KCNH6: variants seen among roughly 807,000 people sequenced by gnomAD.
KCNH6 encodes voltage-gated inwardly rectifying potassium channel KCNH6.
Under a neutral mutation model 83.4 loss-of-function variants are expected in KCNH6, and 81 were observed. The ratio of observed to expected loss-of-function variants is 0.97; its 90% CI spans 0.81 to 1.17. The LOEUF is 1.17. KCNH6 is among the 50% of genes most tolerant of loss of function. KCNH6 has a pLI of 0.00. For missense variants in KCNH6, 1,203 were observed against 1,290.5 expected, an observed-to-expected ratio of 0.93 and a Z score of 1.04; for synonymous variants, 503 against 545.6, an observed-to-expected ratio of 0.92 and a Z score of 1.09.
chr17:63,523,602 C>G lies in KCNH6; in HGVS notation c.76+113C>G. On this transcript the variant is annotated intron_variant, in intron 1 of 12. Coordinates refer to ENST00000314672, the MANE Select transcript of KCNH6 (RefSeq NM_001278919.2). This position sits in a 1 kb window ranked among gnomAD's most constrained non-coding sequence, Gnocchi z 4.2. ...CGGGCAAGGTGGTGAGTGCCGGGTG[C>G]TGAATGAAAAATCCTTCTTTTGATG... The G allele has an allele frequency of 1.1e-6, 1 of 928,440 alleles. No homozygotes were observed. Among genetic ancestry groups the G allele is most frequent in the Non-Finnish European group, 1.6e-6 (1 of 637,614 alleles). 57.5% of individuals were successfully genotyped at this position (928,440 alleles called of 1,614,324 possible). A position where few individuals can be genotyped will look rare whatever the true frequency, so the allele number is the denominator to read the frequency against.
chr17:63,544,776 A>T (rs9908726), intron 11 of KCNH6, among the ~76,000 whole-genome samples: 4,276 of 152,138 alleles, frequency 0.028, 197 homozygotes, highest in African/African-American at 0.097. Context: ...GCAAGTTACT[A>T]AACAGCTCTG....
chr17:63,533,855 G>C lies in KCNH6; in HGVS notation c.676-31G>C. ...CAGTCTCACCAGCAGTGGCTGCCCC[G>C]TGCCTGACCTCCCTCGGCCCCCACC... On this transcript the variant is annotated intron_variant, in intron 4 of 12. Transcript: ENST00000314672. This position sits in a 1 kb window ranked among gnomAD's most constrained non-coding sequence, Gnocchi z 4.1. The C allele has an allele frequency of 6.3e-7, 1 of 1,591,538 alleles. No homozygotes were observed.
chr17:63,530,719 A>C (rs1433689532), intron 4 of KCNH6, among the ~76,000 whole-genome samples, 177 bp downstream of exon 4: 2 of 152,176 alleles, frequency 1.3e-5, no homozygotes, highest in East Asian at 3.9e-4. Flanking sequence ...AAAGACCTGA[A>C]GGCCTGCCCT....
chr17:63,535,688 T>C lies in KCNH6; in HGVS notation c.1121T>C (p.Leu374Pro), dbSNP rs752808325. The C allele has an allele frequency of 6.2e-7, 1 of 1,608,590 alleles. No individual in the cohort carries two copies. Among genetic ancestry groups the C allele is most frequent in the East Asian group, 2.2e-5 (1 of 44,788 alleles). ...GSDETTTLIG[L>P]LKTARLLRLV... is the part of the protein sequence containing the mutation. ...CTCCAGACCACAACCCTGATTGGGC[T>C]ATTGAAGACAGCGCGGCTGCTGCGG... is the stretch of plus-strand genomic sequence containing the variant. The change falls in exon 6 of 13, where the codon CTA (leucine) becomes CCA (proline). Residue 374 changes from leucine to proline, a missense_variant. Coordinates refer to ENST00000314672, the MANE Select transcript of KCNH6 (RefSeq NM_001278919.2). The surrounding 1 kb of genome is among the most constrained non-coding windows in gnomAD (Gnocchi z 4.9).
At chr17:63,526,863 T>C (rs2031751447) in intron 2 of KCNH6, among the ~76,000 whole-genome samples, 1 of 152,146 alleles carries the variant, frequency 6.6e-6, no homozygotes, top group East Asian at 1.9e-4. Context: ...CCAGGGCACT[T>C]GGCAAAAATA....
At chr17:63,526,242 T>C (rs912718606) in intron 2 of KCNH6, among the ~76,000 whole-genome samples, 3 of 152,160 alleles carry the variant, frequency 2.0e-5, no homozygotes, top group Non-Finnish European at 4.4e-5. Context: ...CCTATCTTAT[T>C]GCCCAAGGCT....
rs1345628210 is a variant in KCNH6, at chr17:63,544,533, C to T, written c.2396+122C>T. ...GCAGGCCATTTAGCTGCAGGTCTCC[C>T]CATACCTGTCATTAAGCACAATTCC... On this transcript the variant is annotated intron_variant, in intron 11 of 12. Coordinates refer to ENST00000314672, the MANE Select transcript of KCNH6 (RefSeq NM_001278919.2). 3 of 775,870 alleles carry T rather than the reference C, an allele frequency of 3.9e-6. No homozygotes were observed. The Admixed American group carries it at 1.1e-4, about 28-fold the overall frequency. 48.1% of individuals were successfully genotyped at this position (775,870 alleles called of 1,614,324 possible).
Position 63,538,622 on chromosome 17 carries a change from C to A in KCNH6, c.1914C>A (p.Ser638=). ...LSTLYFISRG[S]IEILRDDVVV... ...CCCTCTACTTCATCTCCCGAGGCTC[C>A]ATCGAGATCCTGCGCGACGACGTGG... Residue 638 remains serine (S), a synonymous_variant, in exon 8 of 13, where the codon TCC becomes TCA. Transcript: ENST00000314672. This position sits in a 1 kb window ranked among gnomAD's most constrained non-coding sequence, Gnocchi z 4.0. 6.2e-7 allele frequency: 1 copy of A among 1,606,956 alleles called. No homozygotes were observed. The highest frequency in any genetic ancestry group is 8.5e-7 in the Non-Finnish European group (1 of 1,175,472).
chr17:63,539,198 G>T (rs1336990041), intron 8 of KCNH6, among the ~76,000 whole-genome samples: 12 of 152,086 alleles, frequency 7.9e-5, no homozygotes, highest in Non-Finnish European at 1.8e-4. Context: ...AGCATCACAG[G>T]GTCCTCTTGA....
Position 63,534,279 on chromosome 17 carries a change from G to C in KCNH6, c.1069G>C (p.Asp357His), listed in dbSNP as rs745391562. The C allele has an allele frequency of 6.2e-7, 1 of 1,613,818 alleles. No homozygotes were observed. The highest frequency in any genetic ancestry group is 2.2e-5 in the East Asian group (1 of 44,882). Residue 357 changes from aspartate (D) to histidine (H), a missense_variant, in exon 5 of 13, where the codon GAC becomes CAC. Transcript: ENST00000314672. The surrounding 1 kb of genome is among the most constrained non-coding windows in gnomAD (Gnocchi z 5.0). Reference sequence around the variant, plus strand: ...TGACATGGTGGCCGCCATCCCTTTCGACCTCCTGATCTTCCGCACTGGCTC... The same window carrying C: ...TGACATGGTGGCCGCCATCCCTTTCCACCTCCTGATCTTCCGCACTGGCTC... ...LIDMVAAIPFDLLIFRTGSDE... is the reference protein window; with the variant it reads ...LIDMVAAIPFHLLIFRTGSDE...
intron 2 of KCNH6, among the ~76,000 whole-genome samples, chr17:63,529,780 C>A (rs926479263): frequency 2.0e-5 from 3 of 152,018 alleles, no homozygotes; most frequent in African/African-American, 7.3e-5. Context: ...ATCTGCTCAG[C>A]TTTAATTACA....
chr17:63,545,587 C>A, intron 12 of KCNH6, 22 bp from the exon 13 acceptor site: 1 of 1,602,372 alleles, frequency 6.2e-7, no homozygotes. Flanking sequence ...TGGGGTGCAT[C>A]CCTCTTTCTT....
chr17:63,535,533 C>A lies in KCNH6; in HGVS notation c.1102-136C>A. On this transcript the variant is annotated intron_variant, in intron 5 of 12. Transcript: ENST00000314672. The surrounding 1 kb of genome is among the most constrained non-coding windows in gnomAD (Gnocchi z 4.9). ...CCATACTGTGCCACACTGCCAAGTGCGTGGCCCGGAGGAAGTTCTCCATAA... is the reference window on the plus strand; with the variant it reads ...CCATACTGTGCCACACTGCCAAGTGAGTGGCCCGGAGGAAGTTCTCCATAA... 2 of 768,196 alleles carry A rather than the reference C, an allele frequency of 2.6e-6. No homozygotes were observed. The highest frequency in any genetic ancestry group is 4.1e-6 in the Non-Finnish European group (2 of 482,932). The allele number at this position is 768,196 out of a possible 1,614,324, so 47.6% of individuals were successfully genotyped here.
intron 6 of KCNH6, among the ~76,000 whole-genome samples, chr17:63,536,540 A>T (rs142749718): frequency 0.015 from 2,286 of 152,304 alleles, 59 homozygotes; most frequent in African/African-American, 0.052. Context: ...GCTACTCGGG[A>T]GGCTGAGGCA....
intron 12 of KCNH6, 149 bp downstream of exon 12, chr17:63,545,413 C>T: frequency 9.9e-7 from 1 of 1,006,166 alleles, no homozygotes; most frequent in Non-Finnish European, 1.4e-6. Flanking sequence ...TGATCAGAGT[C>T]ATGATAGGGT....
At position 63,541,819 on chromosome 17, in the gene KCNH6, C is replaced by T. The variant is rs1025082852; in HGVS notation, c.1955-422C>T. ...AGAGAAGCCTCTGGCCCTGCCCTGG[C>T]GGAGTTAGGTGCTCTGGCCCTGGGT... On this transcript the variant is annotated intron_variant, in intron 8 of 12. Coordinates refer to ENST00000314672, the MANE Select transcript of KCNH6 (RefSeq NM_001278919.2). Among the ~76,000 whole-genome samples, 5 of 152,208 alleles carry T rather than the reference C, an allele frequency of 3.3e-5. No homozygotes were observed. The South Asian group carries it at 8.3e-4, about 25-fold the overall frequency.
intron 8 of KCNH6, among the ~76,000 whole-genome samples, 194 bp from the exon 9 acceptor site, chr17:63,542,047 C>T (rs1247896972): frequency 3.3e-5 from 5 of 152,158 alleles, no homozygotes; most frequent in South Asian, 2.1e-4. Context: ...TCAAAGGACA[C>T]AGGAAGAGAA....
At chr17:63,544,505 G>A in intron 11 of KCNH6, 94 bp downstream of exon 11, 1 of 1,142,874 alleles carries the variant, frequency 8.7e-7, no homozygotes, top group Non-Finnish European at 1.2e-6. Context: ...GTTTTAGAAT[G>A]GGGCAGGCCA....
At position 63,535,612 on chromosome 17, in the gene KCNH6, G is replaced by C; in HGVS notation, c.1102-57G>C. The C allele has an allele frequency of 6.6e-7, 1 of 1,514,600 alleles. No homozygotes were observed. Among genetic ancestry groups the C allele is most frequent in the East Asian group, 2.3e-5 (1 of 44,042 alleles). 93.8% of individuals were successfully genotyped at this position (1,514,600 alleles called of 1,614,324 possible). ...TGCATGAGTGAACAAAAGCAGGCCT[G>C]ACTGCACCCTTCCAAGGGCTGACCC... On this transcript the variant is annotated intron_variant, in intron 5 of 12. Transcript: ENST00000314672. The surrounding 1 kb of genome is among the most constrained non-coding windows in gnomAD (Gnocchi z 4.9).
Sources: gnomAD v4.1 joint callset for allele counts (sites outside exome capture counted in the v4.1 genomes callset) on GRCh38, gnomAD v4.1.1 for gene constraint, Gnocchi (gnomAD v3.1) non-coding constraint, MANE v1.5 for transcripts, NCBI Gene and HGNC (gene_info 2026-07-23, HGNC 2026-07-21) for gene names.